The following RGS6 variants were observed in gnomAD, a reference collection of about 807,000 sequenced individuals.
The protein encoded by RGS6 is regulator of G-protein signaling 6.
A neutral mutation model predicts 78.5 loss-of-function variants in RGS6; 30 were observed. That is an observed-to-expected ratio of 0.38 (90% confidence interval 0.29 to 0.52). RGS6 has a LOEUF of 0.52. Among genes scored for constraint, RGS6 ranks in the 20% least tolerant of loss-of-function variants. The pLI, the probability that RGS6 is intolerant of heterozygous loss-of-function variation, is 0.85. For synonymous variants in RGS6, 206 were observed against 206.0 expected (o/e 1.00, Z 0.00); for missense variants, 495 against 609.7 (o/e 0.81, Z 1.98).
intron 2 of RGS6, among the ~76,000 whole-genome samples, chr14:72,342,690 A>G (rs2077248017): frequency 7.0e-6 from 1 of 142,298 alleles, no homozygotes; most frequent in Non-Finnish European, 1.5e-5. Context: ...AGGTCAGGCC[A>G]CTGCACTCTA....
chr14:72,333,310 T>C (rs1034090353), intron 2 of RGS6, among the ~76,000 whole-genome samples: 3 of 152,202 alleles, frequency 2.0e-5, no homozygotes, highest in African/African-American at 7.2e-5. Context: ...TTTTAGACTC[T>C]GAACAGGCAG....
intron 17 of RGS6, chr14:72,550,796 A>ATAGC: frequency 1.7e-6 from 1 of 597,782 alleles, no homozygotes. Context: ...ATCTTTAATC[A>ATAGC]TAGCTTGCTT....
At chr14:72,265,320 C>A (rs2058853791) in intron 2 of RGS6, among the ~76,000 whole-genome samples, 1 of 152,142 alleles carries the variant, frequency 6.6e-6, no homozygotes, top group African/African-American at 2.4e-5. Flanking sequence ...ATTTTGGGTC[C>A]AAGCCCCTTG....
intron 2 of RGS6, among the ~76,000 whole-genome samples, chr14:72,323,076 G>A (rs964253875): frequency 6.6e-6 from 1 of 151,994 alleles, no homozygotes; most frequent in Non-Finnish European, 1.5e-5. Context: ...AATAAGCAGA[G>A]TAATTTTAAC....
the RGS6 span, among the ~76,000 whole-genome samples, chr14:71,899,172 A>G: frequency 2.6e-5 from 4 of 152,294 alleles, no homozygotes; most frequent in Admixed American, 6.5e-5. Flanking sequence ...CAGGTTGACT[A>G]TAGAAAAAAT....
At chr14:72,069,787 G>T (rs1001325920) in intron 2 of RGS6, among the ~76,000 whole-genome samples, 1 of 152,032 alleles carries the variant, frequency 6.6e-6, no homozygotes, top group African/African-American at 2.4e-5. Flanking sequence ...CAATCTGCCC[G>T]CCTTGGCCTC....
the RGS6 span, among the ~76,000 whole-genome samples, chr14:72,587,721 CAT>C: frequency 1.4e-4 from 22 of 152,278 alleles, no homozygotes; most frequent in East Asian, 3.5e-3. Context: ...GCCCAGCCCA[CAT>C]GAGTCCTATC....
At chr14:72,033,677 A>G (rs911732260) in intron 2 of RGS6, among the ~76,000 whole-genome samples, 33 of 152,216 alleles carry the variant, frequency 2.2e-4, no homozygotes, top group Non-Finnish European at 1.0e-4. Context: ...GTTTCTGCTG[A>G]ATACATATCA....
At chr14:72,291,433 C>T (rs1213042999) in intron 2 of RGS6, among the ~76,000 whole-genome samples, 1 of 152,156 alleles carries the variant, frequency 6.6e-6, no homozygotes, top group Non-Finnish European at 1.5e-5. Flanking sequence ...TGCTTGTCCT[C>T]TACAGCATTG....
At chr14:72,120,131 A>G (rs919773475) in intron 2 of RGS6, among the ~76,000 whole-genome samples, 3 of 152,236 alleles carry the variant, frequency 2.0e-5, no homozygotes, top group Non-Finnish European at 4.4e-5. Flanking sequence ...GGATTTGAGT[A>G]GGAGATTGTC....
chr14:72,275,049 A>G (rs2060476947), intron 2 of RGS6, among the ~76,000 whole-genome samples: 1 of 152,132 alleles, frequency 6.6e-6, no homozygotes, highest in South Asian at 2.1e-4. Context: ...GGTTCCAACA[A>G]ATGCCACAAA....
At chr14:72,024,451 C>T (rs11847881) in intron 2 of RGS6, among the ~76,000 whole-genome samples, 7,437 of 152,230 alleles carry the variant, frequency 0.049, 261 homozygotes, top group African/African-American at 0.096. Context: ...TTCTGTTGTT[C>T]CTGCTTATCC....
chr14:72,099,844 G>A (rs969194246), intron 2 of RGS6, among the ~76,000 whole-genome samples: 1 of 152,176 alleles, frequency 6.6e-6, no homozygotes, highest in Admixed American at 6.5e-5. Flanking sequence ...CACTTACAGT[G>A]CCAAATGTAG....
chr14:72,266,806 T>C (rs1436567645), intron 2 of RGS6, among the ~76,000 whole-genome samples: 23 of 152,160 alleles, frequency 1.5e-4, no homozygotes, highest in Admixed American at 1.5e-3. Flanking sequence ...AGGGCTCAGC[T>C]GTGTCAAGGC....
rs535437574 is a variant in RGS6 at position 72,145,386 on chromosome 14, C to T, written c.84+180511C>T. Among the ~76,000 whole-genome samples, 15 of 152,238 alleles carry T rather than the reference C, an allele frequency of 9.9e-5. No homozygotes were observed. In the South Asian group the frequency reaches 1.0e-3, roughly 11 times the overall value. On this transcript the variant is annotated intron_variant, in intron 2 of 17. Transcript: ENST00000553525. ...TCCTTCCCAAAGTTAGTTCAGCCTA[C>T]GCCCAAGAATGAACAAGGACAGCTT...
intron 9 of RGS6, 91 bp from the exon 10 acceptor site, chr14:72,474,534 G>T (rs2096182498): frequency 4.2e-6 from 5 of 1,186,372 alleles, no homozygotes; most frequent in Non-Finnish European, 6.0e-6. Context: ...AATGGAAAAA[G>T]ATAAAGATTG....
intron 15 of RGS6, among the ~76,000 whole-genome samples, chr14:72,525,082 C>T (rs1460681579): frequency 2.0e-5 from 3 of 152,210 alleles, no homozygotes; most frequent in African/African-American, 4.8e-5. Flanking sequence ...TAAGTTCCTG[C>T]ATCACAAAGG....
At chr14:72,025,481 A>G (rs1298670870) in intron 2 of RGS6, among the ~76,000 whole-genome samples, 1 of 152,020 alleles carries the variant, frequency 6.6e-6, no homozygotes, top group East Asian at 1.9e-4. Flanking sequence ...GGAGTGATTA[A>G]CCTCTGAGAG....
intron 2 of RGS6, among the ~76,000 whole-genome samples, chr14:72,107,011 A>G (rs1438540616): frequency 1.3e-5 from 2 of 152,132 alleles, no homozygotes; most frequent in African/African-American, 4.8e-5. Flanking sequence ...TAGATACTCA[A>G]TACTTAGATC....
Sources: gnomAD v4.1 joint callset for allele counts (sites outside exome capture counted in the v4.1 genomes callset) on GRCh38, gnomAD v4.1.1 for gene constraint, MANE v1.5 for transcripts, NCBI Gene and HGNC (gene_info 2026-07-23, HGNC 2026-07-21) for gene names.